The following RAB27B variants were observed in gnomAD, a reference collection of about 807,000 sequenced individuals.
RAB27B encodes the protein ras-related protein Rab-27B.
A neutral mutation model predicts 24.6 loss-of-function variants in RAB27B; 15 were observed. The observed-to-expected ratio is 0.61, with a 90% CI of 0.41 to 0.94. RAB27B has a LOEUF of 0.94. Among genes scored for constraint, RAB27B ranks in the 40% least tolerant of loss-of-function variants. RAB27B has a pLI of 0.00. For synonymous variants in RAB27B, 105 were observed against 92.5 expected (o/e 1.14, Z -0.78); for missense variants, 261 against 266.8 (o/e 0.98, Z 0.15).
chr18:54,845,173 G>A (rs559064995), intron 1 of RAB27B, among the ~76,000 whole-genome samples: 157 of 152,182 alleles, frequency 1.0e-3, no homozygotes, highest in African/African-American at 3.7e-3. Context: ...TTGGGAGGCC[G>A]AGGTGGGAGG....
At chr18:54,824,740 A>C (rs1910418914), upstream of RAB27B, among the ~76,000 whole-genome samples, 1 of 152,210 alleles carries the variant, frequency 6.6e-6, no homozygotes, top group African/African-American at 2.4e-5. Context: ...AAAAGAGCAG[A>C]ACATGGAATC....
intron 2 of RAB27B, among the ~76,000 whole-genome samples, chr18:54,803,268 A>G (rs1328221423): frequency 6.6e-6 from 1 of 152,210 alleles, no homozygotes; most frequent in Non-Finnish European, 1.5e-5. Context: ...GATGACTTTG[A>G]GCAGAATTGG....
intron 2 of RAB27B, among the ~76,000 whole-genome samples, chr18:54,730,492 T>C (rs2144990273): frequency 6.6e-6 from 1 of 152,244 alleles, no homozygotes; most frequent in Non-Finnish European, 1.5e-5. Flanking sequence ...ATTACCTATA[T>C]GATATGGTTT....
At chr18:54,843,415 A>G (rs1318787898) in intron 1 of RAB27B, among the ~76,000 whole-genome samples, 1 of 151,930 alleles carries the variant, frequency 6.6e-6, no homozygotes, top group Non-Finnish European at 1.5e-5. Flanking sequence ...CTTCTTTCTG[A>G]CTCACTGCAA....
intron 2 of RAB27B, among the ~76,000 whole-genome samples, chr18:54,738,358 G>T (rs576464499): frequency 2.6e-5 from 4 of 152,136 alleles, no homozygotes; most frequent in Admixed American, 2.6e-4. Flanking sequence ...TTGAGGGAGG[G>T]ATCTGGTGGG....
chr18:54,876,702 T>C (rs1402284298), intron 1 of RAB27B, among the ~76,000 whole-genome samples: 1 of 152,138 alleles, frequency 6.6e-6, no homozygotes. Context: ...TGTTTTAAAT[T>C]AAAAAGGAAT....
At chr18:54,823,967 C>T (rs1240886110), upstream of RAB27B, among the ~76,000 whole-genome samples, 1 of 90,882 alleles carries the variant, frequency 1.1e-5, no homozygotes, top group Non-Finnish European at 2.3e-5. Flanking sequence ...AAACATTTGA[C>T]TCTTTAGCAG....
chr18:54,723,533 T>A (rs1909427666), intron 2 of RAB27B, among the ~76,000 whole-genome samples: 1 of 152,184 alleles, frequency 6.6e-6, no homozygotes, highest in African/African-American at 2.4e-5. Flanking sequence ...TATAGTATAA[T>A]CCTGAATATA....
chr18:54,849,460 G>C (rs1911467707), intron 1 of RAB27B, among the ~76,000 whole-genome samples: 1 of 152,242 alleles, frequency 6.6e-6, no homozygotes, highest in Admixed American at 6.5e-5. Context: ...GCTCATGCCT[G>C]TAATCCCAGC....
chr18:54,818,542 G>A (rs2016584), intron 2 of RAB27B, among the ~76,000 whole-genome samples: 39,504 of 151,754 alleles, frequency 0.26, 5,642 homozygotes, highest in African/African-American at 0.36. Flanking sequence ...TATTGGCATG[G>A]GACTAGAGCC....
At position 54,893,268 on chromosome 18, in the gene RAB27B, T is replaced by G. The variant is rs1913441447; in HGVS notation, c.*3855T>G. The G allele has an allele frequency of 6.6e-6, 1 of 152,024 alleles. No individual in the cohort carries two copies. Among genetic ancestry groups the G allele is most frequent in the Non-Finnish European group, 1.5e-5 (1 of 67,934 alleles). The allele number at this position is 152,024 out of a possible 1,614,324, so 9.4% of individuals were successfully genotyped here. A position where few individuals can be genotyped will look rare whatever the true frequency, so the allele number is the denominator to read the frequency against. ...TTCGTAAAGGATTTTGGATGTATAA[T>G]CTAAAACTCAACAATAAAGAAATAA... On this transcript the variant is annotated 3_prime_UTR_variant, in exon 6 of 6. Transcript: ENST00000262094.
intron 1 of RAB27B, among the ~76,000 whole-genome samples, chr18:54,830,053 C>A (rs1188192688): frequency 1.3e-5 from 2 of 152,182 alleles, no homozygotes; most frequent in Non-Finnish European, 2.9e-5. Flanking sequence ...ACTGGATGAG[C>A]CTGTTCTCAT....
intron 1 of RAB27B, among the ~76,000 whole-genome samples, chr18:54,859,536 T>C (rs897194580): frequency 5.9e-5 from 9 of 151,476 alleles, no homozygotes; most frequent in Admixed American, 4.6e-4. Flanking sequence ...ATTGTAGAAT[T>C]GGGAATGGCA....
chr18:54,812,523 AAAG>A (rs555951444), intron 2 of RAB27B, among the ~76,000 whole-genome samples: 106 of 150,698 alleles, frequency 7.0e-4, no homozygotes, highest in Non-Finnish European at 7.8e-4. Flanking sequence ...AGAATTTCCC[AAAG>A]AAGTCTGACC....
At chr18:54,721,909 A>T (rs1413185993) in intron 2 of RAB27B, among the ~76,000 whole-genome samples, 1 of 152,206 alleles carries the variant, frequency 6.6e-6, no homozygotes, top group Admixed American at 6.6e-5. Flanking sequence ...GCACGGTGCT[A>T]CAACAGCAAG....
chr18:54,776,787 G>A (rs1157610162), intron 2 of RAB27B, among the ~76,000 whole-genome samples: 1 of 152,186 alleles, frequency 6.6e-6, no homozygotes, highest in African/African-American at 2.4e-5. Flanking sequence ...GGCCTGGCAT[G>A]GTCAGGCATG....
chr18:54,722,254 C>T (rs1024879133), intron 2 of RAB27B, among the ~76,000 whole-genome samples: 2 of 152,160 alleles, frequency 1.3e-5, no homozygotes, highest in African/African-American at 4.8e-5. Context: ...AAAAGACTGG[C>T]ACTTCCACAG....
At position 54,889,574 on chromosome 18, in the gene RAB27B, C is replaced by T. The variant is rs764297457; in HGVS notation, c.*161C>T. The stretch of plus-strand genomic sequence containing the variant: ...AGAAACCAGAATAGTCAACAGTGTT[C>T]AAAAGAATTGACTAGTTATCCCTGA... On this transcript the variant is annotated 3_prime_UTR_variant, in exon 6 of 6. Coordinates refer to ENST00000262094, the MANE Select transcript of RAB27B (RefSeq NM_004163.4). 33 of 653,592 alleles carry T rather than the reference C, an allele frequency of 5.0e-5. No homozygotes were observed. Among genetic ancestry groups the T allele is most frequent in the Non-Finnish European group, 7.8e-5 (32 of 409,948 alleles). 40.5% of individuals were successfully genotyped at this position (653,592 alleles called of 1,614,324 possible).
chr18:54,882,088 C>A (rs1912948072), intron 3 of RAB27B, among the ~76,000 whole-genome samples: 1 of 152,058 alleles, frequency 6.6e-6, no homozygotes, highest in African/African-American at 2.4e-5. Context: ...ATGGTAGAAA[C>A]AAATCCACAA....
Sources: allele counts gnomAD v4.1 joint callset (sites outside exome capture counted in the v4.1 genomes callset), GRCh38; gene constraint gnomAD v4.1.1; transcripts MANE v1.5; gene names NCBI Gene and HGNC (gene_info 2026-07-23, HGNC 2026-07-21).